CEP83: variants seen among roughly 807,000 people sequenced by gnomAD.
The protein encoded by CEP83 is centrosomal protein 83.
Under a neutral mutation model 101.9 loss-of-function variants are expected in CEP83, and 70 were observed. That is an observed-to-expected ratio of 0.69 (90% CI 0.57 to 0.84). The LOEUF (loss-of-function observed/expected upper bound fraction) is 0.84, where lower values mean the gene tolerates loss of function less well. Ranked by LOEUF, CEP83 falls within the 40% of genes least tolerant of loss-of-function variation. CEP83 has a pLI of 0.00. For synonymous variants in CEP83, 264 were observed against 267.9 expected (o/e 0.99, Z 0.14); for missense variants, 715 against 787.2 (o/e 0.91, Z 1.10).
At position 94,389,613 on chromosome 12, in the gene CEP83, G is replaced by C. The variant is rs1593630702; in HGVS notation, c.550-10571C>G. 2.0e-5 allele frequency among the ~76,000 whole-genome samples: 3 copies of C among 152,316 alleles called. No individual in the cohort carries two copies. In the East Asian group the frequency reaches 5.8e-4, roughly 29 times the overall value. ...TGAGGTACCTGGTTCATCTCACTGG[G>C]ACTGGTGGACAGTGAGTGCAGCCCA... is the stretch of plus-strand genomic sequence containing the variant. On this transcript the variant is annotated intron_variant, in intron 6 of 16. Transcript: ENST00000397809.
intron 11 of CEP83, among the ~76,000 whole-genome samples, chr12:94,354,072 A>G (rs2060328673): frequency 6.6e-6 from 1 of 152,244 alleles, no homozygotes; most frequent in African/African-American, 2.4e-5. Flanking sequence ...CACTCTCTGC[A>G]TTAGAGAGAT....
intron 3 of CEP83, 121 bp from the exon 4 acceptor site, chr12:94,411,968 C>T: frequency 1.3e-6 from 1 of 755,056 alleles, no homozygotes; most frequent in Non-Finnish European, 2.2e-6. Context: ...TCCTTTAAAC[C>T]CACAAGTATC....
At chr12:94,297,326 A>T in the CEP83 span, 2 of 1,613,892 alleles carry the variant, frequency 1.2e-6, no homozygotes, top group African/African-American at 2.7e-5. Flanking sequence ...ATTTTACCAG[A>T]TTCGGAAGCA....
chr12:94,411,736 T>C lies in CEP83; in HGVS notation c.285A>G (p.Leu95=). Residue 95 remains leucine, a synonymous_variant, in exon 4 of 17, where the codon TTA becomes TTG. Coordinates refer to ENST00000397809, the MANE Select transcript of CEP83 (RefSeq NM_016122.3). ...CTTCTAAATCTTTAGTTTTCTCTACTAATTCTCCTCTTAGTTCTTCAAGCA... is the reference window on the plus strand; with the variant it reads ...CTTCTAAATCTTTAGTTTTCTCTACCAATTCTCCTCTTAGTTCTTCAAGCA... ...QLLLEELRGE[L]VEKTKDLEEM... is the part of the protein sequence containing the mutation. 2 of 1,609,662 alleles carry C rather than the reference T, an allele frequency of 1.2e-6. No individual in the cohort carries two copies. Among genetic ancestry groups the C allele is most frequent in the Non-Finnish European group, 1.7e-6 (2 of 1,178,000 alleles).
chr12:94,387,496 G>A (rs1388194458), intron 6 of CEP83, among the ~76,000 whole-genome samples: 9 of 152,108 alleles, frequency 5.9e-5, no homozygotes, highest in East Asian at 3.8e-4. Context: ...TGTCTTCCAC[G>A]AAACCAGTCC....
the CEP83 span, among the ~76,000 whole-genome samples, chr12:94,275,076 C>A: frequency 6.6e-6 from 1 of 152,196 alleles, no homozygotes; most frequent in Non-Finnish European, 1.5e-5. Flanking sequence ...TGGTGAGCAG[C>A]AGAGAATGGG....
intron 2 of CEP83, chr12:94,423,842 A>G (rs2064974151): frequency 9.3e-6 from 15 of 1,613,074 alleles, no homozygotes; most frequent in Non-Finnish European, 1.3e-5. Context: ...GAAACACTGG[A>G]AGGAAGGCAC....
chr12:94,298,932 A>G, the CEP83 span: 21 of 771,872 alleles, frequency 2.7e-5, no homozygotes, highest in Admixed American at 3.5e-5. Flanking sequence ...TATCATGTCA[A>G]AGTAGTTTCT....
intron 11 of CEP83, among the ~76,000 whole-genome samples, chr12:94,355,718 G>A (rs183655544): frequency 8.5e-5 from 13 of 152,310 alleles, no homozygotes; most frequent in African/African-American, 2.9e-4. Flanking sequence ...TTACAGGAAC[G>A]AGGGCAAGGA....
Position 94,406,945 on chromosome 12 carries a change from C to A in CEP83, c.325-3683G>T, listed in dbSNP as rs1353466289. ...CTGTCTCAAAACAAAAAAAAAAAAA[C>A]AAAATTGAGCTTCCAGAGACGAAAA... On this transcript the variant is annotated intron_variant, in intron 4 of 16. Coordinates refer to ENST00000397809, the MANE Select transcript of CEP83 (RefSeq NM_016122.3). Among the ~76,000 whole-genome samples the A allele has an allele frequency of 4.7e-3, 658 of 140,474 alleles. 6 individuals carry two copies. The highest frequency in any genetic ancestry group is 0.015 in the African/African-American group (577 of 37,436). 92.2% of individuals were successfully genotyped at this position (140,474 alleles called of 152,430 possible). A position where few individuals can be genotyped will look rare whatever the true frequency, so the allele number is the denominator to read the frequency against.
At chr12:94,443,282 C>A (rs77626725) in intron 1 of CEP83, among the ~76,000 whole-genome samples, 10,896 of 147,336 alleles carry the variant, frequency 0.074, 429 homozygotes, top group African/African-American at 0.11. Context: ...CAACTTTGTT[C>A]ATACAGTTAT....
chr12:94,441,914 C>CA (rs370968833), intron 1 of CEP83, among the ~76,000 whole-genome samples: 20,403 of 59,788 alleles, frequency 0.34, 2,943 homozygotes, highest in Non-Finnish European at 0.38. Context: ...GACTCCGTCT[C>CA]AAAAAAAAAA....
chr12:94,318,096 T>G (rs1971022202), intron 14 of CEP83, among the ~76,000 whole-genome samples: 1 of 152,154 alleles, frequency 6.6e-6, no homozygotes, highest in Admixed American at 6.6e-5. Context: ...CTCTGATTTG[T>G]CTAAGCAGTG....
the CEP83 span, among the ~76,000 whole-genome samples, chr12:94,292,181 A>G: frequency 2.0e-5 from 3 of 152,214 alleles, no homozygotes. Context: ...CTGACCCTCA[A>G]AATCTAGACA....
chr12:94,340,286 C>T (rs1417549062), intron 11 of CEP83, among the ~76,000 whole-genome samples: 1 of 152,166 alleles, frequency 6.6e-6, no homozygotes, highest in African/African-American at 2.4e-5. Context: ...GCTATTATAT[C>T]AAACTGCATA....
At chr12:94,417,694 CAGG>C (rs1444601106) in intron 2 of CEP83, among the ~76,000 whole-genome samples, 1 of 152,084 alleles carries the variant, frequency 6.6e-6, no homozygotes, top group Non-Finnish European at 1.5e-5. Context: ...GAGGCTGAGG[CAGG>C]AGAACGCTTG....
intron 2 of CEP83, among the ~76,000 whole-genome samples, chr12:94,434,380 G>C (rs1224053178): frequency 6.6e-6 from 1 of 152,106 alleles, no homozygotes; most frequent in Non-Finnish European, 1.5e-5. Context: ...TCTTTTTATA[G>C]GTTACAATGA....
the CEP83 span, among the ~76,000 whole-genome samples, chr12:94,270,061 CTA>C: frequency 2.0e-5 from 3 of 152,074 alleles, no homozygotes; most frequent in African/African-American, 7.2e-5. Context: ...AAATGTGACT[CTA>C]TTATGTTATT....
intron 2 of CEP83, among the ~76,000 whole-genome samples, chr12:94,413,728 T>TA (rs553986105): frequency 6.6e-6 from 1 of 151,844 alleles, no homozygotes; most frequent in Non-Finnish European, 1.5e-5. Context: ...CATCTAGAAA[T>TA]AAAAAATGAT....
Sources: gnomAD v4.1 joint callset for allele counts (sites outside exome capture counted in the v4.1 genomes callset) on GRCh38, gnomAD v4.1.1 for gene constraint, MANE v1.5 for transcripts, NCBI Gene and HGNC (gene_info 2026-07-23, HGNC 2026-07-21) for gene names.